The following SLCO2A1 variants were observed in gnomAD, a reference collection of about 807,000 sequenced individuals.
SLCO2A1 encodes matrin F/G 1.
A neutral mutation model predicts 71.7 loss-of-function variants in SLCO2A1; 60 were observed. The ratio of observed to expected loss-of-function variants is 0.84; its 90% confidence interval spans 0.68 to 1.04. The LOEUF (loss-of-function observed/expected upper bound fraction) is 1.04. Ranked by LOEUF, SLCO2A1 falls within the 50% of genes least tolerant of loss-of-function variation. The pLI, the probability that SLCO2A1 is intolerant of heterozygous loss-of-function variation, is 0.00. For synonymous variants in SLCO2A1, 308 were observed against 326.7 expected (o/e 0.94, Z 0.62); for missense variants, 745 against 813.4 (o/e 0.92, Z 1.02).
At position 133,940,516 on chromosome 3, in the gene SLCO2A1, G is replaced by A. The variant is rs1415092727; in HGVS notation, c.1626-2023C>T. ...AGTCCTCTGGGAGGTGATTTGACAG[G>A]GATTGCCCTTCTTCCTGCTGCATAG... On this transcript the variant is annotated intron_variant, in intron 11 of 13. Transcript: ENST00000310926. Among the ~76,000 whole-genome samples, 3 of 152,096 alleles carry A rather than the reference G, an allele frequency of 2.0e-5. No homozygotes were observed. The East Asian group carries it at 5.8e-4, about 29-fold the overall frequency.
chr3:134,020,119 T>C (rs1459572202), intron 1 of SLCO2A1, among the ~76,000 whole-genome samples: 2 of 152,104 alleles, frequency 1.3e-5, no homozygotes, highest in East Asian at 3.9e-4. Flanking sequence ...TACCGGTGCA[T>C]GCAGCCCCCA....
intron 6 of SLCO2A1, among the ~76,000 whole-genome samples, chr3:133,950,616 C>G (rs978029117): frequency 1.3e-5 from 2 of 152,208 alleles, no homozygotes; most frequent in Non-Finnish European, 2.9e-5. Flanking sequence ...TCTAGAACTT[C>G]ATGGAATTAG....
Position 134,023,208 on chromosome 3 carries a change from G to A in SLCO2A1, c.96+6499C>T, listed in dbSNP as rs184115812. ...AGAAAGCGCCACCCCCTCCAGAATTGTGGGCCATAGTCCCAGGGGAAAACC... is the reference window on the plus strand; with the variant it reads ...AGAAAGCGCCACCCCCTCCAGAATTATGGGCCATAGTCCCAGGGGAAAACC... On this transcript the variant is annotated intron_variant, in intron 1 of 13. Transcript: ENST00000310926. 2.7e-3 allele frequency among the ~76,000 whole-genome samples: 409 copies of A among 151,624 alleles called. 7 individuals carry two copies. The highest frequency in any genetic ancestry group is 9.5e-3 in the African/African-American group (392 of 41,118).
At chr3:133,949,330 C>T (rs1576429840) in intron 6 of SLCO2A1, 2 of 266,796 alleles carry the variant, frequency 7.5e-6, no homozygotes, top group South Asian at 4.6e-5. Context: ...CCCTCAGATT[C>T]CAGGGGATAC....
At chr3:133,978,584 C>T (rs746029250) in intron 2 of SLCO2A1, among the ~76,000 whole-genome samples, 40 of 152,184 alleles carry the variant, frequency 2.6e-4, no homozygotes, top group Middle Eastern at 3.4e-3. Context: ...GACAGGGGCC[C>T]GGGCTCTAAG....
chr3:133,946,706 A>G (rs549973466), intron 9 of SLCO2A1, among the ~76,000 whole-genome samples: 1 of 152,316 alleles, frequency 6.6e-6, no homozygotes, highest in South Asian at 2.1e-4. Flanking sequence ...GGTGCTTCTT[A>G]AGAAAACAGA....
chr3:133,985,217 A>C (rs1934685825), intron 1 of SLCO2A1, among the ~76,000 whole-genome samples: 1 of 152,208 alleles, frequency 6.6e-6, no homozygotes, highest in Non-Finnish European at 1.5e-5. Flanking sequence ...AAATTGGAAA[A>C]CATAACGTAC....
chr3:134,023,070 G>C (rs1487546594), intron 1 of SLCO2A1, among the ~76,000 whole-genome samples: 2 of 152,076 alleles, frequency 1.3e-5, no homozygotes, highest in East Asian at 3.9e-4. Flanking sequence ...AGCCAGCCTG[G>C]GAAGGACCCT....
chr3:134,020,227 C>G (rs148985660), intron 1 of SLCO2A1, among the ~76,000 whole-genome samples: 1,649 of 152,272 alleles, frequency 0.011, 32 homozygotes, highest in African/African-American at 0.036. Flanking sequence ...GCTCACTTAG[C>G]GAGCTCGGCT....
intron 1 of SLCO2A1, among the ~76,000 whole-genome samples, chr3:133,992,847 T>G (rs1258636171): frequency 1.3e-5 from 2 of 152,204 alleles, no homozygotes; most frequent in African/African-American, 4.8e-5. Context: ...TTAAATCCCC[T>G]GCATTTGCCA....
intron 3 of SLCO2A1, among the ~76,000 whole-genome samples, chr3:133,973,346 T>A (rs576532872): frequency 7.6e-4 from 115 of 152,296 alleles, no homozygotes; most frequent in African/African-American, 2.6e-3. Flanking sequence ...ACAGACTTCA[T>A]CATGATTTAA....
chr3:133,981,508 A>G (rs1934588570), intron 1 of SLCO2A1, among the ~76,000 whole-genome samples: 1 of 152,198 alleles, frequency 6.6e-6, no homozygotes, highest in African/African-American at 2.4e-5. Flanking sequence ...CACAGAGGCT[A>G]GGCCCAAGCT....
At chr3:133,993,230 C>T (rs758402572) in intron 1 of SLCO2A1, among the ~76,000 whole-genome samples, 18 of 152,194 alleles carry the variant, frequency 1.2e-4, no homozygotes, top group Non-Finnish European at 1.9e-4. Flanking sequence ...AGTGCCGAAG[C>T]GACCAGCTAG....
At chr3:133,992,192 A>G (rs1336583367) in intron 1 of SLCO2A1, among the ~76,000 whole-genome samples, 1 of 152,226 alleles carries the variant, frequency 6.6e-6, no homozygotes, top group African/African-American at 2.4e-5. Context: ...CCCAAACTGC[A>G]TAATTCTGTA....
chr3:134,001,738 C>T (rs1337974294), intron 1 of SLCO2A1, among the ~76,000 whole-genome samples: 2 of 152,114 alleles, frequency 1.3e-5, no homozygotes, highest in South Asian at 4.2e-4. Flanking sequence ...GAAAAGCTCC[C>T]CCAGGTTCCA....
chr3:133,942,509 G>A, intron 11 of SLCO2A1, 96 bp downstream of exon 11: 1 of 1,301,018 alleles, frequency 7.7e-7, no homozygotes, highest in Non-Finnish European at 1.1e-6. Flanking sequence ...CCACAAAAGG[G>A]GGGAGAGATG....
intron 1 of SLCO2A1, among the ~76,000 whole-genome samples, chr3:133,998,304 G>T (rs955097479): frequency 1.3e-5 from 2 of 152,122 alleles, no homozygotes; most frequent in Non-Finnish European, 2.9e-5. Context: ...CTCCAAATTT[G>T]CTCACTATTT....
At chr3:134,019,980 C>T (rs186431996) in intron 1 of SLCO2A1, among the ~76,000 whole-genome samples, 3 of 152,164 alleles carry the variant, frequency 2.0e-5, no homozygotes, top group East Asian at 3.9e-4. Flanking sequence ...GCAGACAGCC[C>T]GGCACCATAC....
chr3:133,964,776 G>C (rs1934125410), intron 3 of SLCO2A1, among the ~76,000 whole-genome samples: 1 of 152,214 alleles, frequency 6.6e-6, no homozygotes, highest in Non-Finnish European at 1.5e-5. Flanking sequence ...TGAGGAGGCT[G>C]TGCTATGAAT....
Sources: allele counts gnomAD v4.1 joint callset (sites outside exome capture counted in the v4.1 genomes callset), GRCh38; gene constraint gnomAD v4.1.1; transcripts MANE v1.5; gene names NCBI Gene and HGNC (gene_info 2026-07-23, HGNC 2026-07-21).